The following STAG1 variants were observed in gnomAD, a reference collection of about 807,000 sequenced individuals.
STAG1 encodes STAG1 cohesin complex component.
Under a neutral mutation model 170.9 loss-of-function variants are expected in STAG1, and 26 were observed. That is an observed-to-expected ratio of 0.15 (90% CI 0.11 to 0.21). The LOEUF (loss-of-function observed/expected upper bound fraction) is 0.21. STAG1 is among the 10% of genes least tolerant of loss of function. The pLI is 1.00. For missense variants in STAG1, 964 were observed against 1,509.5 expected (o/e 0.64, Z 5.99); for synonymous variants, 514 against 497.7 (o/e 1.03, Z -0.44).
intron 5 of STAG1, among the ~76,000 whole-genome samples, chr3:136,544,675 G>C (rs1936074071): frequency 6.6e-6 from 1 of 151,332 alleles, no homozygotes; most frequent in Non-Finnish European, 1.5e-5. Flanking sequence ...TGAGGCACAA[G>C]AATCTCTGGA....
chr3:136,584,419 T>C (rs1200128263), intron 4 of STAG1, among the ~76,000 whole-genome samples: 2 of 152,210 alleles, frequency 1.3e-5, no homozygotes, highest in Non-Finnish European at 2.9e-5. Context: ...AACTATCACA[T>C]GCAAGCCATC....
At chr3:136,463,982 T>A (rs2089369463) in intron 13 of STAG1, among the ~76,000 whole-genome samples, 1 of 150,246 alleles carries the variant, frequency 6.7e-6, no homozygotes, top group East Asian at 1.9e-4. Flanking sequence ...ATACAGTAAA[T>A]CACGCTAAAA....
chr3:136,525,387 G>T (rs1269078803), intron 6 of STAG1, among the ~76,000 whole-genome samples: 1 of 152,138 alleles, frequency 6.6e-6, no homozygotes, highest in African/African-American at 2.4e-5. Context: ...TTGCGTAGAG[G>T]TGTTTATAGT....
intron 4 of STAG1, among the ~76,000 whole-genome samples, chr3:136,581,572 GTATT>G (rs945557915): frequency 6.6e-6 from 1 of 152,120 alleles, no homozygotes; most frequent in Non-Finnish European, 1.5e-5. Context: ...TGCAAAATAA[GTATT>G]TACAATGCTG....
intron 3 of STAG1, among the ~76,000 whole-genome samples, chr3:136,605,971 AC>A (rs1938913174): frequency 6.6e-6 from 1 of 152,064 alleles, no homozygotes; most frequent in Admixed American, 6.6e-5. Flanking sequence ...TGGCCCTCTA[AC>A]CATTTCTGTG....
intron 1 of STAG1, among the ~76,000 whole-genome samples, chr3:136,639,530 T>C (rs540147906): frequency 3.2e-4 from 48 of 152,312 alleles, no homozygotes; most frequent in Admixed American, 2.0e-3. Flanking sequence ...AGCATATCAC[T>C]AGTTTAGTGG....
intron 28 of STAG1, among the ~76,000 whole-genome samples, chr3:136,350,810 G>C (rs991419869): frequency 1.3e-5 from 2 of 152,194 alleles, no homozygotes; most frequent in Non-Finnish European, 1.5e-5. Context: ...TTTCCTAAGG[G>C]TGTTGACAAC....
chr3:136,346,901 C>T (rs1316237252), intron 29 of STAG1, among the ~76,000 whole-genome samples: 1 of 151,964 alleles, frequency 6.6e-6, no homozygotes, highest in African/African-American at 2.4e-5. Flanking sequence ...GAGTTCAAGA[C>T]CAGCCTGGGC....
chr3:136,619,458 A>G (rs1449387476), intron 3 of STAG1, among the ~76,000 whole-genome samples: 3 of 151,794 alleles, frequency 2.0e-5, no homozygotes, highest in Non-Finnish European at 1.5e-5. Flanking sequence ...GCGATTTGCA[A>G]TGTTAAACAC....
chr3:136,574,490 A>T (rs942310228), intron 4 of STAG1, among the ~76,000 whole-genome samples: 2 of 152,184 alleles, frequency 1.3e-5, no homozygotes, highest in African/African-American at 4.8e-5. Context: ...ACATATACAC[A>T]CATATACACA....
intron 4 of STAG1, among the ~76,000 whole-genome samples, chr3:136,578,772 ATGTC>A (rs758640364): frequency 6.6e-5 from 10 of 152,222 alleles, no homozygotes; most frequent in Admixed American, 3.9e-4. Flanking sequence ...GTTGTAACTC[ATGTC>A]TGTCTAAGAG....
At chr3:136,732,257 A>AC (rs1934085962) in intron 1 of STAG1, among the ~76,000 whole-genome samples, 1 of 151,704 alleles carries the variant, frequency 6.6e-6, no homozygotes. Context: ...AAAAAAAAAA[A>AC]AACACCTTAG....
chr3:136,691,564 T>G (rs1291133749), intron 1 of STAG1, among the ~76,000 whole-genome samples: 1 of 152,154 alleles, frequency 6.6e-6, no homozygotes, highest in Non-Finnish European at 1.5e-5. Context: ...AAGTTTGGTG[T>G]CCAGTAGTAG....
At chr3:136,590,424 C>G (rs541592375) in intron 4 of STAG1, among the ~76,000 whole-genome samples, 2 of 148,070 alleles carry the variant, frequency 1.4e-5, no homozygotes, top group South Asian at 4.3e-4. Flanking sequence ...ACCCAGGAGG[C>G]AGAGGTTGCA....
chr3:136,693,210 T>C (rs1200208914), intron 1 of STAG1, among the ~76,000 whole-genome samples: 1 of 152,242 alleles, frequency 6.6e-6, no homozygotes, highest in Non-Finnish European at 1.5e-5. Context: ...AGTAATGGGC[T>C]GGGACAGAAA....
chr3:136,512,107 A>AT (rs1268658449), intron 7 of STAG1, among the ~76,000 whole-genome samples: 1 of 150,410 alleles, frequency 6.6e-6, no homozygotes, highest in African/African-American at 2.4e-5. Context: ...AAAAAAAAAA[A>AT]AAAAAAAAAA....
chr3:136,724,710 G>T (rs553156047), intron 1 of STAG1, among the ~76,000 whole-genome samples: 2 of 152,168 alleles, frequency 1.3e-5, no homozygotes, highest in East Asian at 3.9e-4. Flanking sequence ...GTACACAGAA[G>T]TCAGAAAGAT....
chr3:136,644,417 T>C (rs770411794), intron 1 of STAG1, among the ~76,000 whole-genome samples: 14 of 152,194 alleles, frequency 9.2e-5, no homozygotes, highest in Non-Finnish European at 1.6e-4. Flanking sequence ...ATCATCTTGA[T>C]TAAATATACT....
At chr3:136,715,122 C>T (rs1345392046) in intron 1 of STAG1, among the ~76,000 whole-genome samples, 2 of 144,908 alleles carry the variant, frequency 1.4e-5, no homozygotes, top group East Asian at 4.1e-4. Flanking sequence ...GTGGTGCTGA[C>T]ATTCTGGTTC....
Sources: gnomAD v4.1 joint callset for allele counts (sites outside exome capture counted in the v4.1 genomes callset) on GRCh38, gnomAD v4.1.1 for gene constraint, MANE v1.5 for transcripts, NCBI Gene and HGNC (gene_info 2026-07-23, HGNC 2026-07-21) for gene names.